Variants in DOCK2 observed in about 807,000 individuals in gnomAD.
DOCK2 encodes dedicator of cytokinesis protein 2.
DOCK2 carries 87 observed loss-of-function variants against 248.9 expected under a neutral mutation model. The observed-to-expected ratio is 0.35, with a 90% CI of 0.29 to 0.42. The LOEUF (loss-of-function observed/expected upper bound fraction) is 0.42, where lower values mean the gene tolerates loss of function less well. DOCK2 is among the 10% of genes least tolerant of loss of function. The pLI is 1.00. For missense variants in DOCK2, 1,747 were observed against 2,300.2 expected (o/e 0.76, Z 4.92); for synonymous variants, 805 against 821.6 (o/e 0.98, Z 0.35).
At chr5:169,837,869 T>A (rs1418141436) in intron 26 of DOCK2, among the ~76,000 whole-genome samples, 1 of 152,018 alleles carries the variant, frequency 6.6e-6, no homozygotes, top group African/African-American at 2.4e-5. Context: ...ATACCAAACT[T>A]CCTGAGCAGT....
intron 5 of DOCK2, 99 bp from the exon 6 acceptor site, chr5:169,674,198 T>C (rs1581012514): frequency 6.8e-7 from 1 of 1,462,120 alleles, no homozygotes; most frequent in Non-Finnish European, 9.3e-7. Flanking sequence ...CCTCAGGCCA[T>C]GGCCCTTGAC....
chr5:169,713,582 G>A (rs945952579), intron 17 of DOCK2, among the ~76,000 whole-genome samples: 2 of 152,110 alleles, frequency 1.3e-5, no homozygotes, highest in Non-Finnish European at 2.9e-5. Flanking sequence ...AGGCAAAATA[G>A]TGTATTCAAG....
intron 25 of DOCK2, among the ~76,000 whole-genome samples, chr5:169,761,868 G>T (rs262853): frequency 0.12 from 18,631 of 151,648 alleles, 1,551 homozygotes; most frequent in African/African-American, 0.23. Context: ...GTTTAATGAG[G>T]TTTTTTTTTC....
Position 169,965,588 on chromosome 5 carries a change from A to G in DOCK2, c.2800-17480A>G, listed in dbSNP as rs546071766. On this transcript the variant is annotated intron_variant, in intron 27 of 51. Transcript: ENST00000520908. ...ATATTAAGATCACCCAGGGAGCGTTAAACATCCCAATGTCGGGAGAGCTGG... is the reference window on the plus strand; with the variant it reads ...ATATTAAGATCACCCAGGGAGCGTTGAACATCCCAATGTCGGGAGAGCTGG... Among the ~76,000 whole-genome samples the G allele has an allele frequency of 3.3e-5, 5 of 152,320 alleles. No homozygotes were observed. In the East Asian group the frequency reaches 7.7e-4, roughly 23 times the overall value.
intron 29 of DOCK2, among the ~76,000 whole-genome samples, chr5:169,989,154 A>G (rs1297018959): frequency 6.6e-6 from 1 of 152,202 alleles, no homozygotes; most frequent in African/African-American, 2.4e-5. Flanking sequence ...GGAGTTTTCT[A>G]GATTTTAATG....
At chr5:169,887,090 C>T (rs947129899) in intron 27 of DOCK2, among the ~76,000 whole-genome samples, 1 of 152,172 alleles carries the variant, frequency 6.6e-6, no homozygotes, top group African/African-American at 2.4e-5. Context: ...ACAGACTGAC[C>T]CTGAAGCACA....
rs544739219 is a variant in DOCK2 at position 169,959,117 on chromosome 5, GCATGGTGGCT to G, written c.2800-23946_2800-23937del. 1.8e-3 allele frequency among the ~76,000 whole-genome samples: 274 copies of G among 152,304 alleles called. 6 individuals carry two copies. The South Asian group carries it at 0.048, about 27-fold the overall frequency. On this transcript the variant is annotated intron_variant, in intron 27 of 51. Coordinates refer to ENST00000520908, the MANE Select transcript of DOCK2 (RefSeq NM_004946.3). The stretch of plus-strand genomic sequence containing the variant: ...TGTATAAAAAGCACAAACTGGCTGG[GCATGGTGGCT>G]CATGCCTGTAATCCCAGCACTTTGG...
chr5:169,997,834 A>ACTTGCTCATCTAAGTTGTTCAGTTCCTCT, intron 30 of DOCK2: 1 of 434,222 alleles, frequency 2.3e-6, no homozygotes, highest in Non-Finnish European at 4.6e-6. Flanking sequence ...TTTTCCCCAC[A>ACTTGCTCATCTAAGTTGTTCAGTTCCTCT]CTTGCTCATC....
Position 169,996,148 on chromosome 5 carries a change from C to T in DOCK2, c.3056C>T (p.Thr1019Met), listed in dbSNP as rs368028175. Residue 1019 changes from threonine to methionine, a missense_variant, in exon 30 of 52, where the codon ACG (threonine) becomes ATG (methionine). By Grantham distance (81) the Thr-to-Met change is moderately conservative (BLOSUM62 -1). Around this residue, in one of 4 missense-constraint regions of DOCK2, gnomAD observed 858 missense variants for 1,183.5 expected, o/e 0.72. Transcript: ENST00000520908. ...ETMNQKFLEH[T>M]NFEFQLWNNY... ...ATGAACCAGAAGTTCCTAGAACACA[C>T]GAACTTTGAGTTCCAGGTGAGTATA... The T allele has an allele frequency of 2.0e-5, 32 of 1,613,724 alleles. No individual in the cohort carries two copies. The highest frequency in any genetic ancestry group is 4.5e-5 in the East Asian group (2 of 44,868).
At chr5:169,787,333 C>G (rs1038876836) in intron 25 of DOCK2, among the ~76,000 whole-genome samples, 1 of 152,200 alleles carries the variant, frequency 6.6e-6, no homozygotes, top group Non-Finnish European at 1.5e-5. Context: ...GCATGGTACT[C>G]TAGCAGAGTC....
chr5:169,892,007 A>AAAAAAG (rs1166046828), intron 27 of DOCK2, among the ~76,000 whole-genome samples: 2 of 151,874 alleles, frequency 1.3e-5, no homozygotes, highest in African/African-American at 4.8e-5. Flanking sequence ...AAAAAAAAAA[A>AAAAAAG]AAAAAGAAAA....
At chr5:170,046,465 C>T (rs1756715259) in intron 39 of DOCK2, among the ~76,000 whole-genome samples, 1 of 152,112 alleles carries the variant, frequency 6.6e-6, no homozygotes, top group Non-Finnish European at 1.5e-5. Flanking sequence ...CCCTCCCGCC[C>T]ATCCTCCCCA....
chr5:169,826,251 A>G (rs1426679080), intron 26 of DOCK2, among the ~76,000 whole-genome samples: 1 of 152,198 alleles, frequency 6.6e-6, no homozygotes, highest in African/African-American at 2.4e-5. Flanking sequence ...AAAAAGAACA[A>G]GCAACTTTGC....
At chr5:169,732,025 A>T (rs1324292653) in intron 22 of DOCK2, among the ~76,000 whole-genome samples, 1 of 152,194 alleles carries the variant, frequency 6.6e-6, no homozygotes, top group African/African-American at 2.4e-5. Context: ...AAGCTGAGGC[A>T]GGAGAATCAC....
chr5:169,651,986 C>T (rs576652258), intron 1 of DOCK2, among the ~76,000 whole-genome samples: 1 of 152,324 alleles, frequency 6.6e-6, no homozygotes, highest in Admixed American at 6.5e-5. Context: ...AAAGTGACTA[C>T]ATTTACTGAG....
At chr5:169,644,750 C>G (rs565043923) in intron 1 of DOCK2, among the ~76,000 whole-genome samples, 10 of 152,050 alleles carry the variant, frequency 6.6e-5, no homozygotes, top group Admixed American at 6.5e-4. Context: ...GTTTTAAGCC[C>G]CATATGCATT....
chr5:170,039,776 G>A (rs922036528), intron 36 of DOCK2, among the ~76,000 whole-genome samples: 5 of 152,160 alleles, frequency 3.3e-5, no homozygotes, highest in African/African-American at 7.2e-5. Context: ...GGAGATACCC[G>A]AGAAACCCTG....
intron 29 of DOCK2, among the ~76,000 whole-genome samples, chr5:169,992,328 G>A (rs1040741439): frequency 1.3e-5 from 2 of 152,200 alleles, no homozygotes; most frequent in Admixed American, 6.5e-5. Context: ...CAACACAGAC[G>A]AGACACAGCA....
intron 27 of DOCK2, chr5:169,864,438 C>A: frequency 6.5e-7 from 1 of 1,545,760 alleles, no homozygotes; most frequent in Middle Eastern, 1.7e-4. Context: ...TGCCTTCCTG[C>A]TGCCGAAAAT....
Sources: allele counts gnomAD v4.1 joint callset (sites outside exome capture counted in the v4.1 genomes callset), GRCh38; gene constraint gnomAD v4.1.1; regional missense constraint gnomAD v4.1.1; transcripts MANE v1.5; gene names NCBI Gene and HGNC (gene_info 2026-07-23, HGNC 2026-07-21).